MB21D2: variants seen among roughly 807,000 people sequenced by gnomAD.
The protein encoded by MB21D2 is Mab-21 domain containing 2.
In MB21D2, 9 loss-of-function variants were observed where a neutral mutation model predicts 33.3. That is an observed-to-expected ratio of 0.27 (90% confidence interval 0.16 to 0.47). MB21D2 has a LOEUF of 0.47. Ranked by LOEUF, MB21D2 falls within the 20% of genes least tolerant of loss-of-function variation. The probability of loss-of-function intolerance (pLI) is 0.99; values close to 1 mark genes in which losing one functional copy is unlikely to be tolerated. For synonymous variants in MB21D2, 241 were observed against 236.3 expected (o/e 1.02, Z -0.18); for missense variants, 540 against 624.6 (o/e 0.86, Z 1.44).
chr3:192,830,809 C>G (rs1412434434), intron 1 of MB21D2, among the ~76,000 whole-genome samples: 1 of 152,184 alleles, frequency 6.6e-6, no homozygotes. Context: ...GAATCAGAAT[C>G]TGTGCTTTAA....
At chr3:192,815,561 T>G (rs576676428) in intron 1 of MB21D2, among the ~76,000 whole-genome samples, 1 of 152,324 alleles carries the variant, frequency 6.6e-6, no homozygotes, top group Admixed American at 6.5e-5. Flanking sequence ...GCTGTCAAGT[T>G]AGAGGAAGGA....
At chr3:192,824,056 G>T (rs555697757) in intron 1 of MB21D2, among the ~76,000 whole-genome samples, 1 of 152,210 alleles carries the variant, frequency 6.6e-6, no homozygotes, top group South Asian at 2.1e-4. Flanking sequence ...AGAGAACACG[G>T]AACAGTAGGA....
intron 1 of MB21D2, among the ~76,000 whole-genome samples, chr3:192,840,836 G>A (rs957756625): frequency 8.5e-5 from 13 of 152,308 alleles, no homozygotes; most frequent in South Asian, 2.1e-4. Flanking sequence ...CCTGAAGATT[G>A]TTACACACAA....
chr3:192,873,907 C>A (rs1302569324), intron 1 of MB21D2, among the ~76,000 whole-genome samples: 2 of 152,132 alleles, frequency 1.3e-5, no homozygotes, highest in Admixed American at 6.5e-5. Context: ...TCACCATTCA[C>A]CAGGCGAGTC....
In MB21D2 at chr3:192,888,240, T is replaced by C. The variant is rs563808017; in HGVS notation, c.211+29390A>G. Among the ~76,000 whole-genome samples the C allele has an allele frequency of 1.1e-4, 16 of 152,080 alleles. No individual in the cohort carries two copies. In the East Asian group the frequency reaches 2.7e-3, roughly 26 times the overall value. ...TGAACTCCTTAAATAGCCATGAAAA[T>C]CTAATGCCCTGAAAGATTCTCCTCC... On this transcript the variant is annotated intron_variant, in intron 1 of 1. Coordinates refer to ENST00000392452, the MANE Select transcript of MB21D2 (RefSeq NM_178496.4).
intron 1 of MB21D2, among the ~76,000 whole-genome samples, chr3:192,801,342 A>G (rs1711559098): frequency 6.6e-6 from 1 of 152,234 alleles, no homozygotes; most frequent in Non-Finnish European, 1.5e-5. Context: ...ACCACAAAGT[A>G]TTATAATATT....
Position 192,798,730 on chromosome 3 carries a change from A to C in MB21D2, c.1132T>G (p.Phe378Val). The C allele has an allele frequency of 1.2e-6, 2 of 1,613,446 alleles. No homozygotes were observed. Among genetic ancestry groups the C allele is most frequent in the Non-Finnish European group, 1.7e-6 (2 of 1,180,030 alleles). ...CLVNKMCPNY[F>V]IPQCNMLEHL... ...TCCAGCATGTTGCACTGAGGGATGA[A>C]ATAATTGGGGCACATCTTGTTGACC... Residue 378 changes from phenylalanine (F) to valine (V), a missense_variant, in exon 2 of 2, where the codon TTC (phenylalanine) becomes GTC (valine). Phe to Val is a conservative substitution (Grantham distance 50). Coordinates refer to ENST00000392452, the MANE Select transcript of MB21D2 (RefSeq NM_178496.4). This position sits in a 1 kb window ranked among gnomAD's most constrained non-coding sequence, Gnocchi z 4.8.
intron 1 of MB21D2, among the ~76,000 whole-genome samples, chr3:192,838,083 G>GAGCTGC (rs1454039951): frequency 6.6e-6 from 1 of 152,218 alleles, no homozygotes; most frequent in Non-Finnish European, 1.5e-5. Context: ...CTCGTGGCTG[G>GAGCTGC]AGCTGCAGCC....
At chr3:192,828,948 CA>C (rs1338210334) in intron 1 of MB21D2, among the ~76,000 whole-genome samples, 1 of 151,312 alleles carries the variant, frequency 6.6e-6, no homozygotes, top group African/African-American at 2.4e-5. Context: ...CGTGCCCGGC[CA>C]AAACTCACCC....
intron 1 of MB21D2, among the ~76,000 whole-genome samples, chr3:192,824,609 G>A (rs937614749): frequency 5.9e-5 from 9 of 152,044 alleles, no homozygotes; most frequent in Non-Finnish European, 1.0e-4. Flanking sequence ...TAAAAATTTC[G>A]TTAAAATAGC....
chr3:192,816,872 C>T (rs1167803732), intron 1 of MB21D2, among the ~76,000 whole-genome samples: 1 of 117,330 alleles, frequency 8.5e-6, no homozygotes, highest in Non-Finnish European at 2.0e-5. Context: ...TCAGTTTCCC[C>T]ATTAAAAAAA....
At chr3:192,910,887 A>C (rs1313882422) in intron 1 of MB21D2, among the ~76,000 whole-genome samples, 9 of 152,238 alleles carry the variant, frequency 5.9e-5, no homozygotes, top group African/African-American at 2.2e-4. Context: ...TACAAAACAG[A>C]GCTGGTACAA....
intron 1 of MB21D2, among the ~76,000 whole-genome samples, chr3:192,911,299 A>G (rs1390480470): frequency 6.6e-6 from 1 of 151,980 alleles, no homozygotes; most frequent in Admixed American, 6.6e-5. Flanking sequence ...GTAAAGTCCT[A>G]TTAAAACCTG....
chr3:192,899,846 A>ATGTGTGGTAGTGTGGCTGACTGAG (rs1355654223), intron 1 of MB21D2, among the ~76,000 whole-genome samples: 1 of 40,726 alleles, frequency 2.5e-5, no homozygotes, highest in Non-Finnish European at 5.7e-5. Flanking sequence ...GCTGACTGAG[A>ATGTGTGGTAGTGTGGCTGACTGAG]AGAAGCAGGT....
At chr3:192,834,578 C>G (rs1275539306) in intron 1 of MB21D2, among the ~76,000 whole-genome samples, 2 of 151,966 alleles carry the variant, frequency 1.3e-5, no homozygotes, top group African/African-American at 4.8e-5. Flanking sequence ...CTTTTCCGAC[C>G]TTCCTGAGGT....
At chr3:192,914,500 A>C (rs1714420896) in intron 1 of MB21D2, among the ~76,000 whole-genome samples, 1 of 152,222 alleles carries the variant, frequency 6.6e-6, no homozygotes, top group Non-Finnish European at 1.5e-5. Context: ...TGGCAGAGAC[A>C]TTATGCTAAT....
chr3:192,837,986 C>CT (rs1310946713), intron 1 of MB21D2, among the ~76,000 whole-genome samples: 3 of 152,226 alleles, frequency 2.0e-5, no homozygotes, highest in African/African-American at 7.2e-5. Flanking sequence ...CACTTCCTAT[C>CT]TTTTAGTTTC....
intron 1 of MB21D2, among the ~76,000 whole-genome samples, chr3:192,842,358 G>A (rs1450457863): frequency 6.6e-6 from 1 of 152,174 alleles, no homozygotes; most frequent in Non-Finnish European, 1.5e-5. Flanking sequence ...TGTGCCTGAG[G>A]ACAAAGCTAC....
intron 1 of MB21D2, among the ~76,000 whole-genome samples, chr3:192,901,523 CA>C (rs1260868000): frequency 6.7e-6 from 1 of 148,804 alleles, no homozygotes; most frequent in Non-Finnish European, 1.5e-5. Context: ...TCATGAGCAC[CA>C]GGATCTCAAG....
Sources: gnomAD v4.1 joint callset for allele counts (sites outside exome capture counted in the v4.1 genomes callset) on GRCh38, gnomAD v4.1.1 for gene constraint, Gnocchi (gnomAD v3.1) non-coding constraint, MANE v1.5 for transcripts, NCBI Gene and HGNC (gene_info 2026-07-23, HGNC 2026-07-21) for gene names.